Variants in MAGI2 observed in about 807,000 individuals in gnomAD.
MAGI2 encodes membrane associated guanylate kinase, WW and PDZ domain containing 2.
In MAGI2, 35 loss-of-function variants were observed where a neutral mutation model predicts 133.3. The observed-to-expected ratio is 0.26, with a 90% CI of 0.20 to 0.35. The LOEUF (loss-of-function observed/expected upper bound fraction) is 0.35. Ranked by LOEUF, MAGI2 falls within the 10% of genes least tolerant of loss-of-function variation. The pLI is 1.00. For missense variants in MAGI2, 1,636 were observed against 1,863.4 expected, an observed-to-expected ratio of 0.88 and a Z score of 2.25; for synonymous variants, 729 against 710.6, an observed-to-expected ratio of 1.03 and a Z score of -0.41.
intron 1 of MAGI2, among the ~76,000 whole-genome samples, chr7:79,356,317 C>T (rs945537231): frequency 2.7e-5 from 4 of 147,594 alleles, no homozygotes; most frequent in Non-Finnish European, 4.5e-5. Flanking sequence ...TGCTATGTTA[C>T]GAATCTCTCA....
intron 1 of MAGI2, among the ~76,000 whole-genome samples, chr7:79,403,588 C>A (rs939548237): frequency 6.6e-6 from 1 of 151,888 alleles, no homozygotes; most frequent in Admixed American, 6.6e-5. Context: ...TATTGAATTC[C>A]AGTTAAATTT....
intron 1 of MAGI2, among the ~76,000 whole-genome samples, chr7:79,131,828 C>T (rs1031314278): frequency 5.9e-5 from 9 of 151,932 alleles, no homozygotes; most frequent in Admixed American, 1.3e-4. Context: ...ATTTCTATTA[C>T]GATGTCTATT....
At chr7:78,265,926 G>A (rs1014007255) in intron 9 of MAGI2, among the ~76,000 whole-genome samples, 1 of 152,204 alleles carries the variant, frequency 6.6e-6, no homozygotes, top group African/African-American at 2.4e-5. Flanking sequence ...TGAAGGGACT[G>A]CTGGCTGGGG....
intron 1 of MAGI2, among the ~76,000 whole-genome samples, chr7:79,308,910 T>C (rs1449306037): frequency 1.4e-4 from 22 of 152,268 alleles, no homozygotes; most frequent in Non-Finnish European, 4.4e-5. Context: ...TTTCCTAGAA[T>C]ACTAATAACC....
chr7:78,154,619 G>A (rs985064943), intron 16 of MAGI2, among the ~76,000 whole-genome samples: 6 of 152,156 alleles, frequency 3.9e-5, no homozygotes, highest in Non-Finnish European at 7.4e-5. Flanking sequence ...CTCCACCACC[G>A]ATACCCAAGC....
chr7:79,182,444 A>G (rs1293830499), intron 1 of MAGI2, among the ~76,000 whole-genome samples: 1 of 151,890 alleles, frequency 6.6e-6, no homozygotes, highest in Non-Finnish European at 1.5e-5. Flanking sequence ...ACACTGCAGG[A>G]AAGTCCTGTC....
At chr7:78,270,247 G>C (rs887808861) in intron 9 of MAGI2, among the ~76,000 whole-genome samples, 5 of 152,242 alleles carry the variant, frequency 3.3e-5, no homozygotes, top group African/African-American at 1.2e-4. Flanking sequence ...TTGGCTGTGA[G>C]GGCTCTTTTT....
intron 3 of MAGI2, among the ~76,000 whole-genome samples, chr7:78,586,358 C>G (rs1038780573): frequency 6.6e-6 from 1 of 151,582 alleles, no homozygotes; most frequent in East Asian, 2.0e-4. Context: ...TAAGAGTCCC[C>G]CCCAAACACC....
At chr7:78,051,785 A>G (rs972990059) in intron 21 of MAGI2, among the ~76,000 whole-genome samples, 1 of 149,584 alleles carries the variant, frequency 6.7e-6, no homozygotes, top group Non-Finnish European at 1.5e-5. Flanking sequence ...GGATTTCACC[A>G]TGTTGGCCAG....
rs1273672984 is a variant in MAGI2 at position 78,018,403 on chromosome 7, T to C, written c.*912A>G. On this transcript the variant is annotated 3_prime_UTR_variant, in exon 22 of 22. Transcript: ENST00000354212. ...ATTGCTGACAAAGAAGCTATCCATC[T>C]CTGCTAGCCTGGGACGACAGAAAAG... 1 of 152,350 alleles carries C rather than the reference T, an allele frequency of 6.6e-6. No individual in the cohort carries two copies. Among genetic ancestry groups the C allele is most frequent in the Non-Finnish European group, 1.5e-5 (1 of 68,022 alleles). 9.4% of individuals were successfully genotyped at this position (152,350 alleles called of 1,614,324 possible). A position where few individuals can be genotyped will look rare whatever the true frequency, so the allele number is the denominator to read the frequency against.
intron 20 of MAGI2, among the ~76,000 whole-genome samples, chr7:78,117,691 TA>T (rs780489346): frequency 1.4e-4 from 21 of 151,440 alleles, no homozygotes; most frequent in Non-Finnish European, 2.4e-4. Context: ...AAAAAAGAAA[TA>T]AAAGGACTTA....
intron 20 of MAGI2, among the ~76,000 whole-genome samples, chr7:78,094,088 G>A (rs766115371): frequency 1.3e-4 from 19 of 151,976 alleles, no homozygotes; most frequent in Non-Finnish European, 2.2e-4. Flanking sequence ...GAACACCACC[G>A]GTACCAAGAT....
At chr7:78,575,515 GA>G (rs1217983215) in intron 3 of MAGI2, among the ~76,000 whole-genome samples, 1 of 152,112 alleles carries the variant, frequency 6.6e-6, no homozygotes, top group Non-Finnish European at 1.5e-5. Flanking sequence ...CTACATAAAT[GA>G]AAGGGGGTAG....
chr7:79,260,242 G>A (rs1833978538), intron 1 of MAGI2, among the ~76,000 whole-genome samples: 1 of 152,098 alleles, frequency 6.6e-6, no homozygotes, highest in Non-Finnish European at 1.5e-5. Context: ...TGGGGTCCCA[G>A]CTACTTGGGA....
rs536446453 is a variant in MAGI2 at position 78,019,290 on chromosome 7, G to A, written c.*25C>T. The stretch of plus-strand genomic sequence containing the variant: ...AAGAAGAACTGCCTGCGCCGGGGCG[G>A]GCGGGTTGGCCGTGGCCGCGCGGCT... On this transcript the variant is annotated 3_prime_UTR_variant, in exon 22 of 22. Coordinates refer to ENST00000354212, the MANE Select transcript of MAGI2 (RefSeq NM_012301.4). 2.1e-5 allele frequency: 33 copies of A among 1,575,028 alleles called. 1 individual carries two copies. In the South Asian group the frequency reaches 3.4e-4, roughly 16 times the overall value.
intron 2 of MAGI2, among the ~76,000 whole-genome samples, chr7:78,964,796 T>G (rs1803163646): frequency 6.6e-6 from 1 of 152,054 alleles, no homozygotes; most frequent in African/African-American, 2.4e-5. Context: ...CTAGAACTTA[T>G]GATGACTTTA....
intron 2 of MAGI2, chr7:78,946,921 A>G (rs929007060): frequency 6.6e-6 from 1 of 152,168 alleles, no homozygotes; most frequent in Non-Finnish European, 1.5e-5. Context: ...GTGAAAACAC[A>G]TCGTCCAGAT....
At chr7:78,918,908 G>T (rs1376519230) in intron 2 of MAGI2, among the ~76,000 whole-genome samples, 1 of 152,058 alleles carries the variant, frequency 6.6e-6, no homozygotes, top group Non-Finnish European at 1.5e-5. Context: ...GTGCTTATCT[G>T]CCCTTAAAAT....
intron 21 of MAGI2, among the ~76,000 whole-genome samples, chr7:78,076,852 C>CACAA (rs1491547468): frequency 2.4e-4 from 10 of 42,546 alleles, no homozygotes; most frequent in Non-Finnish European, 3.7e-4. Context: ...GACTCCGTCT[C>CACAA]AAAAAAAAAA....
Sources: gnomAD v4.1 joint callset for allele counts (sites outside exome capture counted in the v4.1 genomes callset) on GRCh38, gnomAD v4.1.1 for gene constraint, MANE v1.5 for transcripts, NCBI Gene and HGNC (gene_info 2026-07-23, HGNC 2026-07-21) for gene names.